PIGG: variants seen among roughly 807,000 people sequenced by gnomAD.
PIGG encodes phosphatidylinositol glycan anchor biosynthesis class G (EMM blood group), also known as GPI ethanolamine phosphate transferase 2, catalytic subunit.
In PIGG, 70 loss-of-function variants were observed where a neutral mutation model predicts 83.2. The observed-to-expected ratio is 0.84, with a 90% CI of 0.69 to 1.03. PIGG has a LOEUF of 1.03. Ranked by LOEUF, PIGG falls within the 50% of genes least tolerant of loss-of-function variation. The probability of loss-of-function intolerance (pLI) is 0.00; values close to 1 mark genes in which losing one functional copy is unlikely to be tolerated. For missense variants in PIGG, 1,257 were observed against 1,233.6 expected (o/e 1.02, Z -0.28); for synonymous variants, 532 against 519.5 (o/e 1.02, Z -0.33).
intron 3 of PIGG, among the ~76,000 whole-genome samples, chr4:507,098 A>T (rs1416132374): frequency 1.3e-5 from 2 of 152,204 alleles, no homozygotes; most frequent in East Asian, 3.8e-4. Context: ...GTTTAATCCA[A>T]TGCTAATGTT....
chr4:534,614 T>G (rs61334630), intron 12 of PIGG, among the ~76,000 whole-genome samples: 1 of 152,104 alleles, frequency 6.6e-6, no homozygotes, highest in Non-Finnish European at 1.5e-5. Context: ...CCCTCCATGC[T>G]CTCCTGCCTG....
chr4:521,622 C>T, intron 7 of PIGG, 38 bp from the exon 8 acceptor site: 1 of 1,598,798 alleles, frequency 6.3e-7, no homozygotes, highest in Non-Finnish European at 8.6e-7. Context: ...TTTCTCCAAG[C>T]CCAGCAGTCT....
rs1027123061 is a variant in PIGG, at chr4:528,638, G to A, written c.2261+1408G>A. ...AAAGGCTGTTGACTTTGGAATCTGA[G>A]ACTTAGGGCTCATCCAAATGGATGT... On this transcript the variant is annotated intron_variant, in intron 10 of 12. Transcript: ENST00000453061. The surrounding 1 kb of genome is among the most constrained non-coding windows in gnomAD (Gnocchi z 4.8). The A allele has an allele frequency of 9.2e-5, 91 of 985,202 alleles. No homozygotes were observed. Among genetic ancestry groups the A allele is most frequent in the Non-Finnish European group, 1.1e-4 (90 of 829,836 alleles). The allele number at this position is 985,202 out of a possible 1,614,324, so 61.0% of individuals were successfully genotyped here.
chr4:521,566 TG>T, intron 7 of PIGG, 93 bp from the exon 8 acceptor site: 1 of 1,196,246 alleles, frequency 8.4e-7, no homozygotes, highest in Non-Finnish European at 1.2e-6. Flanking sequence ...TTTTACTGTG[TG>T]GACAGCTGAC....
At chr4:520,954 CT>C (rs1462930093) in intron 6 of PIGG, 101 bp from the exon 7 acceptor site, 4 of 800,220 alleles carry the variant, frequency 5.0e-6, no homozygotes, top group Admixed American at 2.0e-5. Context: ...AAAGTGAAGG[CT>C]TTGCCGTGTG....
At chr4:533,666 G>A in intron 11 of PIGG, 152 bp from the exon 12 acceptor site, 1 of 682,504 alleles carries the variant, frequency 1.5e-6, no homozygotes, top group Non-Finnish European at 2.5e-6. Flanking sequence ...AGGAACGGCT[G>A]GGCAGCCACC....
At chr4:501,227 C>G (rs1330484842) in intron 2 of PIGG, 1 of 445,406 alleles carries the variant, frequency 2.2e-6, no homozygotes, top group African/African-American at 2.0e-5. Context: ...GGTGATACTT[C>G]AATGGGTATG....
At chr4:507,015 C>A (rs915965537) in intron 3 of PIGG, 2 of 307,022 alleles carry the variant, frequency 6.5e-6, no homozygotes, top group Non-Finnish European at 1.3e-5. Context: ...TCAGAAGAAC[C>A]CTTGCTCATT....
In PIGG at chr4:539,448, G is replaced by A. The variant is rs1051990528; in HGVS notation, c.*79G>A. On this transcript the variant is annotated 3_prime_UTR_variant, in exon 13 of 13. Coordinates refer to ENST00000453061, the MANE Select transcript of PIGG (RefSeq NM_001127178.3). ...AAATGAAAGATATGAATTCAACAAA[G>A]TTGATGGATAACTTTCTTTGACTGC... is the stretch of plus-strand genomic sequence containing the variant. 1.2e-6 allele frequency: 1 copy of A among 852,600 alleles called. No homozygotes were observed. The highest frequency in any genetic ancestry group is 1.7e-5 in the African/African-American group (1 of 58,808). 52.8% of individuals were successfully genotyped at this position (852,600 alleles called of 1,614,324 possible).
chr4:522,396 A>C (rs1005783514), intron 8 of PIGG: 2 of 258,574 alleles, frequency 7.7e-6, no homozygotes, highest in Non-Finnish European at 1.5e-5. Context: ...CCCAGAATGC[A>C]TCCTGCCTCA....
intron 12 of PIGG, among the ~76,000 whole-genome samples, chr4:534,868 G>A (rs1355553710): frequency 6.6e-6 from 1 of 151,326 alleles, no homozygotes; most frequent in Admixed American, 6.6e-5. Context: ...CCCCCCGGGG[G>A]ACCCCAGATC....
intron 4 of PIGG, 115 bp from the exon 5 acceptor site, chr4:508,714 A>C: frequency 1.1e-6 from 1 of 890,442 alleles, no homozygotes; most frequent in Non-Finnish European, 1.8e-6. Context: ...AATCTAATTC[A>C]TTGAGAAAGA....
chr4:538,568 G>C (rs1375850443), intron 12 of PIGG, among the ~76,000 whole-genome samples: 1 of 152,190 alleles, frequency 6.6e-6, no homozygotes, highest in South Asian at 2.1e-4. Context: ...GCAAAGTCTG[G>C]GGGGTGCGTT....
chr4:518,452 G>T lies in PIGG; in HGVS notation c.1114+2267G>T, dbSNP rs374858351. Among the ~76,000 whole-genome samples the T allele has an allele frequency of 8.5e-5, 13 of 152,238 alleles. No homozygotes were observed. In the South Asian group the frequency reaches 1.9e-3, roughly 22 times the overall value. On this transcript the variant is annotated intron_variant, in intron 6 of 12. Transcript: ENST00000453061. ...ACTAAAAATACAAAAAATTAGTTGG[G>T]CATGGTGGCAGGCGCCTGTAGGCCC...
chr4:505,632 CAAAA>C (rs374663154), intron 2 of PIGG, 82 bp from the exon 3 acceptor site: 162 of 737,886 alleles, frequency 2.2e-4, no homozygotes, highest in Middle Eastern at 4.1e-4. Context: ...GACCCTGTCT[CAAAA>C]AAAAAAAAAA....
At chr4:516,292 T>TGA in intron 6 of PIGG, 107 bp downstream of exon 6, 1 of 726,668 alleles carries the variant, frequency 1.4e-6, no homozygotes, top group South Asian at 1.6e-5. Flanking sequence ...GGAGTATTTT[T>TGA]TCATCACTAC....
intron 5 of PIGG, among the ~76,000 whole-genome samples, chr4:509,631 C>T (rs1721203831): frequency 6.6e-6 from 1 of 152,282 alleles, no homozygotes. Flanking sequence ...CTCACTGACC[C>T]TTCAGCACCC....
At chr4:507,855 T>C (rs923783973) in intron 4 of PIGG, among the ~76,000 whole-genome samples, 4 of 152,250 alleles carry the variant, frequency 2.6e-5, no homozygotes, top group African/African-American at 9.6e-5. Context: ...AGACCTTTTG[T>C]GCCACTCTCT....
At chr4:518,682 G>A (rs1172686920) in intron 6 of PIGG, among the ~76,000 whole-genome samples, 2 of 152,126 alleles carry the variant, frequency 1.3e-5, no homozygotes, top group Non-Finnish European at 2.9e-5. Flanking sequence ...GGGGGAAGAT[G>A]GGAACCACAG....
Sources: gnomAD v4.1 joint callset for allele counts (sites outside exome capture counted in the v4.1 genomes callset) on GRCh38, gnomAD v4.1.1 for gene constraint, Gnocchi (gnomAD v3.1) non-coding constraint, MANE v1.5 for transcripts, NCBI Gene and HGNC (gene_info 2026-07-23, HGNC 2026-07-21) for gene names.